NSMF: variants seen among roughly 807,000 people sequenced by gnomAD.
NSMF encodes nasal embryonic LHRH factor.
Under a neutral mutation model 71.0 loss-of-function variants are expected in NSMF, and 31 were observed. The ratio of observed to expected loss-of-function variants is 0.44; its 90% CI spans 0.33 to 0.59. The LOEUF is 0.59. Among genes scored for constraint, NSMF ranks in the 20% least tolerant of loss-of-function variants. The probability of loss-of-function intolerance (pLI) is 0.04; values close to 1 mark genes in which losing one functional copy is unlikely to be tolerated. For synonymous variants in NSMF, 345 were observed against 287.1 expected (o/e 1.20, Z -2.04); for missense variants, 673 against 740.5 (o/e 0.91, Z 1.06).
At position 137,452,442 on chromosome 9, in the gene NSMF, G is replaced by C. The variant is rs1830581960; in HGVS notation, c.1166-7C>G. On this transcript the variant is annotated splice_polypyrimidine_tract_variant and splice_region_variant and intron_variant, in intron 11 of 15. Coordinates refer to ENST00000371475, the MANE Select transcript of NSMF (RefSeq NM_001130969.3). ...AGCTTCCTCTCTATCTCCTCTGTGG[G>C]AGAGCGGGTGTGAGTGCTGCGGCCC... The C allele has an allele frequency of 6.2e-7, 1 of 1,612,264 alleles. No individual in the cohort carries two copies. Among genetic ancestry groups the C allele is most frequent in the African/African-American group, 1.3e-5 (1 of 74,818 alleles).
Position 137,450,012 on chromosome 9 carries a change from G to A in NSMF, c.1330C>T (p.Leu444=), listed in dbSNP as rs150450906. 390 of 1,612,978 alleles carry A rather than the reference G, an allele frequency of 2.4e-4. 2 individuals carry two copies. In the African/African-American group the frequency reaches 3.8e-3, roughly 16 times the overall value. The part of the protein sequence containing the change: ...EEDMIHFWKR[L]SRLMSKVNPE... ...TTCACTTTGCTCATCAGGCGGCTCA[G>A]CCGCTTCCAGAAGCTGGTGGAGAGG... Residue 444 remains leucine (L), a synonymous_variant, in exon 14 of 16, where the codon CTG becomes TTG. Transcript: ENST00000371475.
intron 6 of NSMF, chr9:137,454,779 C>T (rs1830749496): frequency 7.1e-7 from 1 of 1,400,764 alleles, no homozygotes; most frequent in Non-Finnish European, 9.4e-7. Context: ...GGCAGAGGAT[C>T]CAGCCTGCCT....
At chr9:137,454,769 G>A (rs1830749116) in intron 6 of NSMF, 4 of 1,421,470 alleles carry the variant, frequency 2.8e-6, no homozygotes, top group East Asian at 3.0e-5. Flanking sequence ...ACGCCCATGT[G>A]GCAGAGGATC....
In NSMF at chr9:137,459,232, G is replaced by C. The variant is rs541291427; in HGVS notation, c.-130C>G. On this transcript the variant is annotated 5_prime_UTR_variant, in exon 1 of 16. Transcript: ENST00000371475. ...CGGGGTCTCGCTCGGGCTCCGGCTC[G>C]GGCTTGGGCTCGGGGTCGGGCTCGG... 12 of 628,028 alleles carry C rather than the reference G, an allele frequency of 1.9e-5. No homozygotes were observed. The highest frequency in any genetic ancestry group is 2.0e-5 in the Non-Finnish European group (10 of 491,206). 38.9% of individuals were successfully genotyped at this position (628,028 alleles called of 1,614,324 possible). A position where few individuals can be genotyped will look rare whatever the true frequency, so the allele number is the denominator to read the frequency against.
intron 3 of NSMF, among the ~76,000 whole-genome samples, chr9:137,457,117 G>A (rs956133786): frequency 2.0e-5 from 3 of 152,094 alleles, no homozygotes; most frequent in African/African-American, 7.2e-5. Flanking sequence ...TATCCCTTAA[G>A]ATCCTCCCAG....
Position 137,453,403 on chromosome 9 carries a change from G to A in NSMF, c.923-223C>T. 1.6e-6 allele frequency: 1 copy of A among 639,780 alleles called. No homozygotes were observed. Among genetic ancestry groups the A allele is most frequent in the East Asian group, 2.8e-5 (1 of 35,952 alleles). 39.6% of individuals were successfully genotyped at this position (639,780 alleles called of 1,614,324 possible). A position where few individuals can be genotyped will look rare whatever the true frequency, so the allele number is the denominator to read the frequency against. ...AGACCCTGGTGCGAGGCCGGTGGAA[G>A]GCGCGTGCAGGCATCAGCTCCAGCC... On this transcript the variant is annotated intron_variant, in intron 8 of 15. Transcript: ENST00000371475. The surrounding 1 kb of genome is among the most constrained non-coding windows in gnomAD (Gnocchi z 4.5).
Position 137,452,580 on chromosome 9 carries a change from C to T in NSMF, c.1138G>A (p.Glu380Lys), listed in dbSNP as rs1460322187. The T allele has an allele frequency of 6.2e-7, 1 of 1,612,692 alleles. No individual in the cohort carries two copies. Among genetic ancestry groups the T allele is most frequent in the Non-Finnish European group, 8.5e-7 (1 of 1,179,974 alleles). ...AGGATGTCCTCGAAGGTTGCGTGCT[C>T]ATGGTCCTGGGGACAGACACAGGCC... ...PSIIPILYDH[E>K]HATFEDILEE... Residue 380 changes from glutamate (E) to lysine (K), a missense_variant, in exon 11 of 16, where the codon GAG becomes AAG. By Grantham distance (56) the Glu-to-Lys change is moderately conservative. Around this residue, in one of 2 missense-constraint regions of NSMF, gnomAD observed 202 missense variants for 280.8 expected, o/e 0.72. Transcript: ENST00000371475.
rs1420656340 is a variant in NSMF, at chr9:137,459,195, C to G, written c.-93G>C. ...GCCGCGCCGCACCGGGGGTCGCGCT[C>G]GGGCTCGGGCTCGGGGTCTCGCTCG... On this transcript the variant is annotated 5_prime_UTR_variant, in exon 1 of 16. Coordinates refer to ENST00000371475, the MANE Select transcript of NSMF (RefSeq NM_001130969.3). 2.2e-6 allele frequency: 2 copies of G among 910,686 alleles called. No homozygotes were observed. Among genetic ancestry groups the G allele is most frequent in the African/African-American group, 3.6e-5 (2 of 56,020 alleles). 56.4% of individuals were successfully genotyped at this position (910,686 alleles called of 1,614,324 possible).
intron 15 of NSMF, 43 bp downstream of exon 15, chr9:137,449,556 C>T (rs748520990): frequency 1.2e-6 from 2 of 1,610,286 alleles, no homozygotes; most frequent in Non-Finnish European, 1.7e-6. Flanking sequence ...CCACCGTGGC[C>T]CCGCAGTGGC....
In NSMF at chr9:137,457,801, G is replaced by A; in HGVS notation, c.234C>T (p.Cys78=). The A allele has an allele frequency of 6.4e-7, 1 of 1,558,284 alleles. No homozygotes were observed. The highest frequency in any genetic ancestry group is 8.7e-7 in the Non-Finnish European group (1 of 1,151,148). The part of the protein sequence containing the change: ...KRRLSLVSNG[C]YEGSLSEEPS... ...GCTCCTCTGAGAGGCTGCCCTCGTA[G>A]CAGCCGTTGGAGACGAGGGACAGGC... Residue 78 remains cysteine, a synonymous_variant, in exon 3 of 16, where the codon TGC becomes TGT. Coordinates refer to ENST00000371475, the MANE Select transcript of NSMF (RefSeq NM_001130969.3).
rs1319662974 is a variant in NSMF at position 137,459,236 on chromosome 9, T to G, written c.-134A>C. 41 of 605,058 alleles carry G rather than the reference T, an allele frequency of 6.8e-5. No individual in the cohort carries two copies. The highest frequency in any genetic ancestry group is 8.3e-5 in the Non-Finnish European group (39 of 471,140). 37.5% of individuals were successfully genotyped at this position (605,058 alleles called of 1,614,324 possible). A position where few individuals can be genotyped will look rare whatever the true frequency, so the allele number is the denominator to read the frequency against. ...GTCTCGCTCGGGCTCCGGCTCGGGC[T>G]TGGGCTCGGGGTCGGGCTCGGGGTC... On this transcript the variant is annotated 5_prime_UTR_variant, in exon 1 of 16. Coordinates refer to ENST00000371475, the MANE Select transcript of NSMF (RefSeq NM_001130969.3).
rs540128906 is a variant in NSMF, at chr9:137,453,275, C to T, written c.923-95G>A. The T allele has an allele frequency of 1.1e-5, 18 of 1,570,636 alleles. No homozygotes were observed. The East Asian group carries it at 3.0e-4, about 26-fold the overall frequency. Reference sequence around the variant, plus strand: ...CCCACAGGGCCCGAAAGCCCCATCCCGGAGGGTCCTCCAAGCAAGTGGGAG... The same window carrying T: ...CCCACAGGGCCCGAAAGCCCCATCCTGGAGGGTCCTCCAAGCAAGTGGGAG... On this transcript the variant is annotated intron_variant, in intron 8 of 15. Coordinates refer to ENST00000371475, the MANE Select transcript of NSMF (RefSeq NM_001130969.3). This position sits in a 1 kb window ranked among gnomAD's most constrained non-coding sequence, Gnocchi z 4.5.
At chr9:137,450,325 C>T in intron 12 of NSMF, 70 bp from the exon 13 acceptor site, 35 of 1,274,156 alleles carry the variant, frequency 2.7e-5, no homozygotes, top group Non-Finnish European at 3.8e-5. Flanking sequence ...CACCCACGCA[C>T]ATGCGTGGGA....
chr9:137,455,031 G>A (rs1830760536), intron 6 of NSMF: 2 of 731,434 alleles, frequency 2.7e-6, no homozygotes, highest in Non-Finnish European at 5.0e-6. Flanking sequence ...ACAGAGACAC[G>A]TGCCCTCGGA....
chr9:137,453,791 T>A lies in NSMF; in HGVS notation c.862A>T (p.Ser288Cys). The A allele has an allele frequency of 6.3e-7, 1 of 1,598,102 alleles. No homozygotes were observed. The highest frequency in any genetic ancestry group is 1.1e-5 in the South Asian group (1 of 90,140). ...TFAERRERSF[S>C]RSWSDPTPMK... ...GGGGTGGGGTCGCTCCAGGACCGGC[T>A]GAAGCTCCGCTCGCGCCGCTCAGCG... Residue 288 changes from serine to cysteine, a missense_variant, in exon 8 of 16, where the codon AGC becomes TGC. Coordinates refer to ENST00000371475, the MANE Select transcript of NSMF (RefSeq NM_001130969.3). This position sits in a 1 kb window ranked among gnomAD's most constrained non-coding sequence, Gnocchi z 4.5.
At chr9:137,458,625 G>A (rs377191940) in intron 1 of NSMF, 76 bp from the exon 2 acceptor site, 17 of 1,390,230 alleles carry the variant, frequency 1.2e-5, no homozygotes, top group Admixed American at 5.9e-5. Flanking sequence ...AGAGCCGGGG[G>A]TCCGGTCCCC....
At position 137,459,202 on chromosome 9, in the gene NSMF, G is replaced by A. The variant is rs1432648685; in HGVS notation, c.-100C>T. 1.1e-6 allele frequency: 1 copy of A among 902,652 alleles called. No individual in the cohort carries two copies. Among genetic ancestry groups the A allele is most frequent in the Non-Finnish European group, 1.4e-6 (1 of 730,168 alleles). The allele number at this position is 902,652 out of a possible 1,614,324, so 55.9% of individuals were successfully genotyped here. A position where few individuals can be genotyped will look rare whatever the true frequency, so the allele number is the denominator to read the frequency against. ...CGCACCGGGGGTCGCGCTCGGGCTC[G>A]GGCTCGGGGTCTCGCTCGGGCTCCG... is the stretch of plus-strand genomic sequence containing the variant. On this transcript the variant is annotated 5_prime_UTR_variant, in exon 1 of 16. Coordinates refer to ENST00000371475, the MANE Select transcript of NSMF (RefSeq NM_001130969.3).
intron 3 of NSMF, among the ~76,000 whole-genome samples, chr9:137,457,090 G>A (rs1049139061): frequency 6.6e-6 from 1 of 152,090 alleles, no homozygotes; most frequent in Non-Finnish European, 1.5e-5. Flanking sequence ...CTGATTAAGC[G>A]GTGCTTCCTC....
chr9:137,457,988 G>T, intron 2 of NSMF, 87 bp from the exon 3 acceptor site: 3 of 1,525,266 alleles, frequency 2.0e-6, no homozygotes, highest in South Asian at 1.2e-5. Context: ...AGAACACCCA[G>T]TGGGCACCTG....
Sources: allele counts gnomAD v4.1 joint callset (sites outside exome capture counted in the v4.1 genomes callset), GRCh38; gene constraint gnomAD v4.1.1; regional missense constraint gnomAD v4.1.1; non-coding constraint Gnocchi (gnomAD v3.1); transcripts MANE v1.5; gene names NCBI Gene and HGNC (gene_info 2026-07-23, HGNC 2026-07-21).